Variants in PRR16 observed in about 807,000 individuals in gnomAD.
PRR16 encodes protein Largen.
A neutral mutation model predicts 18.2 loss-of-function variants in PRR16; 6 were observed. The observed-to-expected ratio is 0.33, with a 90% CI of 0.18 to 0.65. PRR16 has a LOEUF of 0.65. Among genes scored for constraint, PRR16 ranks in the 30% least tolerant of loss-of-function variants. The pLI is 0.74. For missense variants in PRR16, 412 were observed against 376.6 expected (o/e 1.09, Z -0.78); for synonymous variants, 151 against 147.8 (o/e 1.02, Z -0.16).
chr5:120,507,102 A>C (rs1369519940), intron 1 of PRR16, among the ~76,000 whole-genome samples: 1 of 152,126 alleles, frequency 6.6e-6, no homozygotes, highest in Non-Finnish European at 1.5e-5. Context: ...GATTTGTCTT[A>C]AAGGACACTC....
chr5:120,484,453 T>G (rs145538429), intron 1 of PRR16, among the ~76,000 whole-genome samples: 110 of 145,206 alleles, frequency 7.6e-4, no homozygotes, highest in African/African-American at 2.6e-3. Context: ...GTTAGATATA[T>G]TTTATATCTA....
intron 1 of PRR16, among the ~76,000 whole-genome samples, chr5:120,620,311 T>G (rs748513114): frequency 3.3e-5 from 5 of 152,148 alleles, no homozygotes; most frequent in African/African-American, 1.2e-4. Context: ...GAAGTTGTAA[T>G]GGTGAAACAG....
At chr5:120,744,957 C>T in the PRR16 span, among the ~76,000 whole-genome samples, 4,610 of 152,178 alleles carry the variant, frequency 0.03, 98 homozygotes, top group Middle Eastern at 0.071. Context: ...TATCCTAATC[C>T]GTGCCAGAAG....
the PRR16 span, among the ~76,000 whole-genome samples, chr5:120,753,766 G>T: frequency 2.1e-5 from 3 of 144,426 alleles, no homozygotes; most frequent in African/African-American, 7.6e-5. Context: ...GAATAAAAAA[G>T]TTCTTCAGTT....
the PRR16 span, among the ~76,000 whole-genome samples, chr5:120,792,239 A>T: frequency 5.9e-5 from 9 of 152,186 alleles, no homozygotes; most frequent in Admixed American, 5.9e-4. Context: ...AAGACTGCAA[A>T]TATGTGAAAT....
At chr5:120,739,251 G>A in the PRR16 span, among the ~76,000 whole-genome samples, 9,294 of 152,104 alleles carry the variant, frequency 0.061, 360 homozygotes, top group Middle Eastern at 0.19. Flanking sequence ...TATATTATGA[G>A]ATATTTAGAT....
chr5:120,732,567 T>A, the PRR16 span, among the ~76,000 whole-genome samples: 1 of 152,204 alleles, frequency 6.6e-6, no homozygotes, highest in Non-Finnish European at 1.5e-5. Flanking sequence ...ACTATGTTTT[T>A]AAAACTCATT....
chr5:120,624,645 G>T (rs531038360), intron 1 of PRR16, among the ~76,000 whole-genome samples: 87 of 152,062 alleles, frequency 5.7e-4, no homozygotes, highest in South Asian at 1.9e-3. Flanking sequence ...AATTCATAGG[G>T]GTGTTATAGA....
the PRR16 span, among the ~76,000 whole-genome samples, chr5:120,794,110 C>A: frequency 6.6e-6 from 1 of 152,098 alleles, no homozygotes; most frequent in Non-Finnish European, 1.5e-5. Context: ...CCACCAAGTC[C>A]ACTATAATCT....
intron 1 of PRR16, among the ~76,000 whole-genome samples, chr5:120,631,392 CTG>C (rs995641139): frequency 9.9e-5 from 15 of 152,244 alleles, no homozygotes; most frequent in Non-Finnish European, 1.5e-4. Flanking sequence ...CACTGAAAAA[CTG>C]TGAATCGGCT....
chr5:120,489,093 A>G (rs1319233961), intron 1 of PRR16, among the ~76,000 whole-genome samples: 3 of 152,170 alleles, frequency 2.0e-5, no homozygotes, highest in Non-Finnish European at 4.4e-5. Flanking sequence ...ATTTTGGAAT[A>G]CGTGTGGTGT....
chr5:120,725,347 G>A, the PRR16 span, among the ~76,000 whole-genome samples: 1 of 145,818 alleles, frequency 6.9e-6, no homozygotes, highest in Non-Finnish European at 1.5e-5. Flanking sequence ...CCCAGAATCT[G>A]ACACACAGCG....
intron 1 of PRR16, among the ~76,000 whole-genome samples, chr5:120,648,768 A>G (rs1393780033): frequency 6.6e-6 from 1 of 152,114 alleles, no homozygotes; most frequent in Non-Finnish European, 1.5e-5. Context: ...TTGAGGTGGG[A>G]AGGCAAAGCC....
intron 1 of PRR16, among the ~76,000 whole-genome samples, chr5:120,537,671 T>A (rs1340743327): frequency 6.6e-6 from 1 of 150,964 alleles, no homozygotes; most frequent in Non-Finnish European, 1.5e-5. Context: ...TTAGTGGAAG[T>A]GAAATAAAAT....
intron 1 of PRR16, among the ~76,000 whole-genome samples, chr5:120,593,365 AG>A (rs1753699953): frequency 6.6e-6 from 1 of 152,074 alleles, no homozygotes; most frequent in Non-Finnish European, 1.5e-5. Context: ...AGAGACTACT[AG>A]GAATACCTCT....
At chr5:120,734,253 A>G in the PRR16 span, among the ~76,000 whole-genome samples, 1 of 152,190 alleles carries the variant, frequency 6.6e-6, no homozygotes, top group Non-Finnish European at 1.5e-5. Flanking sequence ...CATAAGGGGA[A>G]GTAGCTGAAG....
intron 1 of PRR16, among the ~76,000 whole-genome samples, chr5:120,619,530 T>C (rs548710308): frequency 2.0e-5 from 3 of 152,226 alleles, no homozygotes; most frequent in East Asian, 3.9e-4. Flanking sequence ...GAAAACATCA[T>C]AGGTTAATCG....
chr5:120,549,730 A>G (rs1752192902), intron 1 of PRR16, among the ~76,000 whole-genome samples: 1 of 152,142 alleles, frequency 6.6e-6, no homozygotes, highest in South Asian at 2.1e-4. Flanking sequence ...TTATGGGTAC[A>G]TATTTGTTTT....
At chr5:120,516,108 AAAACCAAACC>A (rs554533064) in intron 1 of PRR16, among the ~76,000 whole-genome samples, 7 of 152,124 alleles carry the variant, frequency 4.6e-5, no homozygotes, top group Admixed American at 1.3e-4. Flanking sequence ...GCTAGAAAGC[AAAACCAAACC>A]AAACCAAACC....
Sources: gnomAD v4.1 joint callset for allele counts (sites outside exome capture counted in the v4.1 genomes callset) on GRCh38, gnomAD v4.1.1 for gene constraint, MANE v1.5 for transcripts, NCBI Gene and HGNC (gene_info 2026-07-23, HGNC 2026-07-21) for gene names.